The following GEMIN4 variants were observed in gnomAD, a reference collection of about 807,000 sequenced individuals.
The protein encoded by GEMIN4 is gem-associated protein 4.
In GEMIN4, 59 loss-of-function variants were observed where a neutral mutation model predicts 76.8. The ratio of observed to expected loss-of-function variants is 0.77; its 90% CI spans 0.62 to 0.95. GEMIN4 has a LOEUF of 0.95. GEMIN4 is among the 40% of genes least tolerant of loss of function. The probability of loss-of-function intolerance (pLI) is 0.00; values close to 1 mark genes in which losing one functional copy is unlikely to be tolerated. For synonymous variants in GEMIN4, 562 were observed against 559.7 expected, an observed-to-expected ratio of 1.00 and a Z score of -0.06; for missense variants, 1,311 against 1,318.9, an observed-to-expected ratio of 0.99 and a Z score of 0.09.
rs768137545 is a variant in GEMIN4 at position 747,004 on chromosome 17, G to A, written c.1039C>T (p.Arg347Trp). ...AAGGAAGTCAGACTGTCGCACAGCC[G>A]GTAGCTGTCGTAACTTGTCCCCTGG... ...SSQGTSYDSYRLCDSLTSFSQ... is the reference protein window; with the variant it reads ...SSQGTSYDSYWLCDSLTSFSQ... The change falls in exon 2 of 2, where the codon CGG becomes TGG. Residue 347 changes from arginine (R) to tryptophan (W), a missense_variant. By Grantham distance (101) the Arg-to-Trp change is moderately radical (BLOSUM62 -3). This residue lies in a region of GEMIN4 where 1,208 missense variants were observed against 1,166.9 expected (regional missense o/e 1.04). Coordinates refer to ENST00000319004, the MANE Select transcript of GEMIN4 (RefSeq NM_015721.3). 22 of 1,612,766 alleles carry A rather than the reference G, an allele frequency of 1.4e-5. No individual in the cohort carries two copies. The East Asian group carries it at 2.2e-4, about 16-fold the overall frequency.
intron 1 of GEMIN4, 160 bp downstream of exon 1, chr17:751,973 G>T: frequency 2.2e-6 from 1 of 453,626 alleles, no homozygotes; most frequent in Non-Finnish European, 3.6e-6. Context: ...ACCACCCCCC[G>T]CCAAGGCCAC....
rs774893520 is a variant in GEMIN4, at chr17:746,013, G to A, written c.2030C>T (p.Thr677Ile). The change falls in exon 2 of 2, where the codon ACT becomes ATT. Residue 677 changes from threonine to isoleucine, a missense_variant. Around this residue, in one of 2 missense-constraint regions of GEMIN4, gnomAD observed 1,208 missense variants for 1,166.9 expected, o/e 1.04. Coordinates refer to ENST00000319004, the MANE Select transcript of GEMIN4 (RefSeq NM_015721.3). This position sits in a 1 kb window ranked among gnomAD's most constrained non-coding sequence, Gnocchi z 4.3. ...CTCTCGGCACGCGTTTGCCTCTAGAGTCTGGATGAAGATCCTCAGACTGAG... is the reference window on the plus strand; with the variant it reads ...CTCTCGGCACGCGTTTGCCTCTAGAATCTGGATGAAGATCCTCAGACTGAG... ...VDLSLRIFIQ[T>I]LEANACREEY... 3.1e-6 allele frequency: 5 copies of A among 1,613,742 alleles called. No individual in the cohort carries two copies. Among genetic ancestry groups the A allele is most frequent in the Non-Finnish European group, 4.2e-6 (5 of 1,179,888 alleles).
Position 746,429 on chromosome 17 carries a change from G to A in GEMIN4, c.1614C>T (p.Ser538=), listed in dbSNP as rs141164933. The part of the protein sequence containing the change: ...TTFNQLTQSA[S]EQGLAKAVAS... The stretch of plus-strand genomic sequence containing the variant: ...CCACAGCTTTTGCCAAGCCCTGTTC[G>A]GAGGCACTCTGAGTGAGCTGGTTAA... The change falls in exon 2 of 2, where the codon TCC becomes TCT. Residue 538 remains serine (S), a synonymous_variant. Transcript: ENST00000319004. This position sits in a 1 kb window ranked among gnomAD's most constrained non-coding sequence, Gnocchi z 4.3. 57 of 1,613,946 alleles carry A rather than the reference G, an allele frequency of 3.5e-5. 1 individual carries two copies. The East Asian group carries it at 8.5e-4, about 24-fold the overall frequency.
In GEMIN4 at chr17:746,943, C is replaced by CA; in HGVS notation, c.1099_1100insT (p.Ser367MetfsTer12). 6.2e-7 allele frequency: 1 copy of CA among 1,613,612 alleles called. No homozygotes were observed. On this transcript the variant is annotated frameshift_variant, in exon 2 of 2. Coordinates refer to ENST00000319004, the MANE Select transcript of GEMIN4 (RefSeq NM_015721.3). LOFTEE classifies it high-confidence loss of function. The surrounding 1 kb of genome is among the most constrained non-coding windows in gnomAD (Gnocchi z 4.3). ...CACCTGCCTGTCCTCCTTGGACAGGCTGGTGCGGTTCAGGTAGAGCGTCGC... is the reference window on the plus strand; with the variant it reads ...CACCTGCCTGTCCTCCTTGGACAGGCATGGTGCGGTTCAGGTAGAGCGTCGC...
At chr17:751,905 T>C in intron 1 of GEMIN4, 1 of 382,302 alleles carries the variant, frequency 2.6e-6, no homozygotes, top group Non-Finnish European at 4.6e-6. Context: ...TGCTCCGTGT[T>C]TTCAAGCGCA....
rs201533499 is a variant in GEMIN4 at position 744,896 on chromosome 17, T to A, written c.3147A>T (p.Gln1049His). 60 of 1,612,974 alleles carry A rather than the reference T, an allele frequency of 3.7e-5. No individual in the cohort carries two copies. The African/African-American group carries it at 7.6e-4, about 20-fold the overall frequency. The change falls in exon 2 of 2, where the codon CAA becomes CAT. Residue 1049 changes from glutamine (Q) to histidine (H), a missense_variant. Physicochemically the swap from Gln to His is conservative, Grantham distance 24 (BLOSUM62 0). Coordinates refer to ENST00000319004, the MANE Select transcript of GEMIN4 (RefSeq NM_015721.3). ...AEGIGPEERR[Q>H]TLLQKMSSF ...AGCTGCTCATCTTCTGCAACAGGGT[T>A]TGGCGCCGTTCTTCAGGGCCGATGC... is the stretch of plus-strand genomic sequence containing the variant.
rs1293702666 is a variant in GEMIN4, at chr17:746,536, G to A, written c.1507C>T (p.Leu503=). ...AGGCCCTTTCGCCCCCAGGAACGCA[G>A]GATACCTGCAAGGACTTTATTTTTA... is the stretch of plus-strand genomic sequence containing the variant. ...PGKNKVLAGI[L]RSWGRKGLSE... Residue 503 remains leucine (L), a synonymous_variant, in exon 2 of 2, where the codon CTG becomes TTG. Coordinates refer to ENST00000319004, the MANE Select transcript of GEMIN4 (RefSeq NM_015721.3). The surrounding 1 kb of genome is among the most constrained non-coding windows in gnomAD (Gnocchi z 4.3). 6 of 1,613,930 alleles carry A rather than the reference G, an allele frequency of 3.7e-6. No individual in the cohort carries two copies. In the Admixed American group the frequency reaches 6.7e-5, roughly 18 times the overall value.
rs754037573 is a variant in GEMIN4, at chr17:745,385, AT to A, written c.2657del (p.His886LeufsTer17). 6.2e-7 allele frequency: 1 copy of A among 1,613,206 alleles called. No homozygotes were observed. The highest frequency in any genetic ancestry group is 1.1e-5 in the South Asian group (1 of 91,070). ...TRRLLEKQLL[H>X]VPYSLEYIQF... ...GAATATATTCCAGGCTATAAGGGAC[AT>A]GGAGGAGCTGCTTCTCCAGCAGTCT... On this transcript the variant is annotated frameshift_variant, in exon 2 of 2. Coordinates refer to ENST00000319004, the MANE Select transcript of GEMIN4 (RefSeq NM_015721.3). LOFTEE classifies it high-confidence loss of function. This position sits in a 1 kb window ranked among gnomAD's most constrained non-coding sequence, Gnocchi z 4.6.
chr17:747,179 C>A lies in GEMIN4; in HGVS notation c.864G>T (p.Ala288=), dbSNP rs375010755. 2.7e-5 allele frequency: 44 copies of A among 1,613,832 alleles called. 1 individual carries two copies. The Middle Eastern group carries it at 6.6e-4, about 24-fold the overall frequency. The part of the protein sequence containing the change: ...SDTQNPYHQQ[A]LAEKVKEAER... ...CTGCCTCCTTCACCTTCTCTGCCAG[C>A]GCCTGCTGGTGGTAGGGATTCTGGG... Residue 288 remains alanine, a synonymous_variant, in exon 2 of 2, where the codon GCG becomes GCT. Coordinates refer to ENST00000319004, the MANE Select transcript of GEMIN4 (RefSeq NM_015721.3).
At position 746,164 on chromosome 17, in the gene GEMIN4, G is replaced by T; in HGVS notation, c.1879C>A (p.Leu627Ile). Residue 627 changes from leucine to isoleucine, a missense_variant, in exon 2 of 2, where the codon CTC becomes ATC. Transcript: ENST00000319004. The surrounding 1 kb of genome is among the most constrained non-coding windows in gnomAD (Gnocchi z 4.3). ...TPKEEKQFLE[L>I]LNCLMSPVKP... ...ACGGGACTCATCAGGCAGTTCAGGA[G>T]CTCTAAAAATTGCTTTTCTTCCTTG... 1.2e-6 allele frequency: 2 copies of T among 1,613,898 alleles called. No individual in the cohort carries two copies. The highest frequency in any genetic ancestry group is 3.3e-4 in the Middle Eastern group (2 of 6,062).
At chr17:751,459 A>G (rs1904681313) in intron 1 of GEMIN4, among the ~76,000 whole-genome samples, 2 of 152,100 alleles carry the variant, frequency 1.3e-5, no homozygotes, top group Admixed American at 1.3e-4. Context: ...CAGCTCTCCC[A>G]GAACAGCCTC....
Position 746,379 on chromosome 17 carries a change from A to T in GEMIN4, c.1664T>A (p.Val555Glu), listed in dbSNP as rs1453398876. ...TTTCTTCACCGTGACTTCCGGGTGCACTATGACCAGGCGGGCCACGGAGGC... is the reference window on the plus strand; with the variant it reads ...TTTCTTCACCGTGACTTCCGGGTGCTCTATGACCAGGCGGGCCACGGAGGC... ...AVASVARLVI[V>E]HPEVTVKKMC... Residue 555 changes from valine to glutamate, a missense_variant, in exon 2 of 2, where the codon GTG (valine) becomes GAG (glutamate). Physicochemically the swap from Val to Glu is moderately radical, Grantham distance 121. Around this residue, in one of 2 missense-constraint regions of GEMIN4, gnomAD observed 1,208 missense variants for 1,166.9 expected, o/e 1.04. Transcript: ENST00000319004. This position sits in a 1 kb window ranked among gnomAD's most constrained non-coding sequence, Gnocchi z 4.3. The T allele has an allele frequency of 6.2e-7, 1 of 1,613,852 alleles. No homozygotes were observed. The highest frequency in any genetic ancestry group is 1.1e-5 in the South Asian group (1 of 91,074).
chr17:745,452 C>G lies in GEMIN4; in HGVS notation c.2591G>C (p.Cys864Ser). The change falls in exon 2 of 2, where the codon TGC (cysteine) becomes TCC (serine). Residue 864 changes from cysteine (C) to serine (S), a missense_variant. Physicochemically the swap from Cys to Ser is moderately radical, Grantham distance 112. Transcript: ENST00000319004. The surrounding 1 kb of genome is among the most constrained non-coding windows in gnomAD (Gnocchi z 4.6). ...LVALVQVMPW[C>S]SPQEWQRLHQ... ...AAGGCGCTGCCACTCCTGAGGGCTG[C>G]ACCAAGGCATGACTTGCACCAGGGC... 1.2e-6 allele frequency: 2 copies of G among 1,612,524 alleles called. No homozygotes were observed. The highest frequency in any genetic ancestry group is 1.7e-6 in the Non-Finnish European group (2 of 1,179,840).
rs1259756637 is a variant in GEMIN4, at chr17:745,327, C to T, written c.2716G>A (p.Ala906Thr). 1 of 1,612,726 alleles carries T rather than the reference C, an allele frequency of 6.2e-7. No homozygotes were observed. Among genetic ancestry groups the T allele is most frequent in the Non-Finnish European group, 8.5e-7 (1 of 1,179,812 alleles). The change falls in exon 2 of 2, where the codon GCC becomes ACC. Residue 906 changes from alanine to threonine, a missense_variant. Coordinates refer to ENST00000319004, the MANE Select transcript of GEMIN4 (RefSeq NM_015721.3). The surrounding 1 kb of genome is among the most constrained non-coding windows in gnomAD (Gnocchi z 4.6). ...AGGACGGAGAGTTGCAACTCCTGGG[C>T]AAAGGGCTTCAGGTTGAGCAGGGGA... is the stretch of plus-strand genomic sequence containing the variant. ...FVPLLNLKPF[A>T]QELQLSVLFL...
chr17:752,577 G>A, upstream of GEMIN4: 1 of 806,716 alleles, frequency 1.2e-6, no homozygotes, highest in Non-Finnish European at 1.5e-6. Context: ...GCCGCACCAC[G>A]CGAGGCTTCC....
At chr17:752,570 G>C, upstream of GEMIN4, 1 of 728,826 alleles carries the variant, frequency 1.4e-6, no homozygotes, top group South Asian at 6.3e-5. Flanking sequence ...CAGCGCGGCC[G>C]CACCACGCGA....
Position 746,080 on chromosome 17 carries a change from A to ATTCC in GEMIN4, c.1959_1962dup (p.Phe655GlyfsTer12). 6.2e-7 allele frequency: 1 copy of ATTCC among 1,613,908 alleles called. No individual in the cohort carries two copies. Among genetic ancestry groups the ATTCC allele is most frequent in the Non-Finnish European group, 8.5e-7 (1 of 1,179,882 alleles). On this transcript the variant is annotated frameshift_variant, in exon 2 of 2. Transcript: ENST00000319004. LOFTEE classifies it high-confidence loss of function. The surrounding 1 kb of genome is among the most constrained non-coding windows in gnomAD (Gnocchi z 4.3). ...TCTAACCTCAAGAAAGGCAGGACAA[A>ATTCC]TTCCTTCAGCACCTCGTCTGGCTCA...
rs768748818 is a variant in GEMIN4 at position 747,254 on chromosome 17, G to A, written c.789C>T (p.Thr263=). Residue 263 remains threonine (T), a synonymous_variant, in exon 2 of 2, where the codon ACC becomes ACT. Coordinates refer to ENST00000319004, the MANE Select transcript of GEMIN4 (RefSeq NM_015721.3). The stretch of plus-strand genomic sequence containing the variant: ...CCGTGGCCAGTTTGTCCAGATACAC[G>A]GTTGCAGACACCTCCTGGGGGTCGT... ...TEDDPQEVSA[T]VYLDKLATVI... 14 of 1,613,698 alleles carry A rather than the reference G, an allele frequency of 8.7e-6. No individual in the cohort carries two copies. The highest frequency in any genetic ancestry group is 6.6e-5 in the South Asian group (6 of 91,092).
chr17:751,092 C>T (rs527409301), intron 1 of GEMIN4, among the ~76,000 whole-genome samples: 27 of 152,300 alleles, frequency 1.8e-4, no homozygotes, highest in South Asian at 1.0e-3. Context: ...GAAAATACTC[C>T]GGTACTCTAT....
Sources: allele counts gnomAD v4.1 joint callset (sites outside exome capture counted in the v4.1 genomes callset), GRCh38; gene constraint gnomAD v4.1.1; regional missense constraint gnomAD v4.1.1; non-coding constraint Gnocchi (gnomAD v3.1); transcripts MANE v1.5; gene names NCBI Gene and HGNC (gene_info 2026-07-23, HGNC 2026-07-21).